Variants in ADGRB3 observed in about 807,000 individuals in gnomAD.
The protein encoded by ADGRB3 is adhesion G protein-coupled receptor B3.
ADGRB3 carries 37 observed loss-of-function variants against 193.4 expected under a neutral mutation model. The ratio of observed to expected loss-of-function variants is 0.19; its 90% CI spans 0.15 to 0.25. The LOEUF is 0.25. Ranked by LOEUF, ADGRB3 falls within the 10% of genes least tolerant of loss-of-function variation. The probability of loss-of-function intolerance (pLI) is 1.00; values close to 1 mark genes in which losing one functional copy is unlikely to be tolerated. For missense variants in ADGRB3, 1,637 were observed against 1,852.9 expected, an observed-to-expected ratio of 0.88 and a Z score of 2.14; for synonymous variants, 690 against 644.2, an observed-to-expected ratio of 1.07 and a Z score of -1.08.
intron 17 of ADGRB3, chr6:69,232,306 G>T: frequency 2.4e-6 from 2 of 826,752 alleles, no homozygotes; most frequent in Non-Finnish European, 3.4e-6. Context: ...CTGTAGTGTA[G>T]TTCTGCTGGG....
intron 29 of ADGRB3, among the ~76,000 whole-genome samples, chr6:69,365,857 C>T (rs536588817): frequency 1.3e-5 from 2 of 152,166 alleles, no homozygotes; most frequent in Admixed American, 1.3e-4. Flanking sequence ...GCCTCCCTTA[C>T]AGCTGTTGTG....
At chr6:69,028,697 G>A (rs558166947) in intron 13 of ADGRB3, among the ~76,000 whole-genome samples, 16 of 152,194 alleles carry the variant, frequency 1.1e-4, no homozygotes, top group East Asian at 3.9e-4. Context: ...ACTTGAAAAC[G>A]TTGTCAATAC....
intron 3 of ADGRB3, among the ~76,000 whole-genome samples, chr6:68,662,591 G>A (rs1768691120): frequency 6.6e-6 from 1 of 151,422 alleles, no homozygotes. Flanking sequence ...AGGAGTCTGA[G>A]TTAAAGATAA....
intron 17 of ADGRB3, chr6:69,233,051 C>T (rs1374706885): frequency 3.7e-6 from 2 of 542,556 alleles, no homozygotes; most frequent in Non-Finnish European, 6.3e-6. Context: ...GTTTCAGCAC[C>T]TCCGGCGCTG....
chr6:68,774,265 G>C (rs566996896), intron 3 of ADGRB3, among the ~76,000 whole-genome samples: 1 of 151,840 alleles, frequency 6.6e-6, no homozygotes, highest in Non-Finnish European at 1.5e-5. Flanking sequence ...AGGAACAAAG[G>C]TAGTGTAGGA....
intron 26 of ADGRB3, among the ~76,000 whole-genome samples, chr6:69,342,657 C>T (rs1769000489): frequency 6.6e-6 from 1 of 152,086 alleles, no homozygotes; most frequent in Admixed American, 6.6e-5. Flanking sequence ...CCCATATCCT[C>T]TGTGTCTCCA....
intron 3 of ADGRB3, among the ~76,000 whole-genome samples, chr6:68,685,282 T>C (rs1472169915): frequency 6.6e-6 from 1 of 152,138 alleles, no homozygotes; most frequent in Non-Finnish European, 1.5e-5. Flanking sequence ...TATAAATTAT[T>C]GTCCTGAATT....
intron 13 of ADGRB3, among the ~76,000 whole-genome samples, chr6:69,031,300 C>A (rs537124632): frequency 1.3e-5 from 2 of 151,222 alleles, no homozygotes; most frequent in African/African-American, 2.4e-5. Flanking sequence ...TTTAACCGGG[C>A]GCAGTGGTTG....
intron 10 of ADGRB3, among the ~76,000 whole-genome samples, chr6:68,991,114 T>C (rs1324995887): frequency 6.6e-6 from 1 of 151,978 alleles, no homozygotes; most frequent in Non-Finnish European, 1.5e-5. Context: ...TTAAGTCAGG[T>C]AGTGTGTTTG....
intron 10 of ADGRB3, among the ~76,000 whole-genome samples, chr6:68,983,435 G>T (rs1196740240): frequency 6.7e-6 from 1 of 149,358 alleles, no homozygotes; most frequent in Non-Finnish European, 1.5e-5. Context: ...TTATTTATAG[G>T]ATAGAATATA....
chr6:69,325,173 C>T, intron 21 of ADGRB3, 151 bp downstream of exon 21: 1 of 1,036,164 alleles, frequency 9.7e-7, no homozygotes, highest in Non-Finnish European at 1.4e-6. Context: ...TTTGAACATT[C>T]ATTGGTCATT....
intron 17 of ADGRB3, among the ~76,000 whole-genome samples, chr6:69,209,734 C>T (rs1409763369): frequency 2.0e-5 from 3 of 152,144 alleles, no homozygotes; most frequent in Non-Finnish European, 2.9e-5. Flanking sequence ...AGGCATTTGC[C>T]AAGTCAATGG....
intron 17 of ADGRB3, among the ~76,000 whole-genome samples, chr6:69,128,800 A>T (rs1392841199): frequency 1.3e-5 from 2 of 152,184 alleles, no homozygotes; most frequent in African/African-American, 4.8e-5. Flanking sequence ...CCAATTTCAC[A>T]TTAACTATAA....
chr6:68,978,475 C>A (rs964880548), intron 10 of ADGRB3, among the ~76,000 whole-genome samples: 4 of 151,470 alleles, frequency 2.6e-5, no homozygotes, highest in Non-Finnish European at 5.9e-5. Flanking sequence ...AAATCTAGGG[C>A]TTGCCTAAAG....
At chr6:68,903,016 A>G (rs1380867598) in intron 3 of ADGRB3, among the ~76,000 whole-genome samples, 10 of 152,200 alleles carry the variant, frequency 6.6e-5, no homozygotes, top group Admixed American at 4.6e-4. Flanking sequence ...GACTATTTAA[A>G]ATGAGACTCC....
At chr6:69,065,764 TACAC>T (rs3043304) in intron 16 of ADGRB3, among the ~76,000 whole-genome samples, 643 of 129,170 alleles carry the variant, frequency 5.0e-3, no homozygotes, top group African/African-American at 0.01. Context: ...TGTATATATA[TACAC>T]ACACACACAC....
intron 17 of ADGRB3, among the ~76,000 whole-genome samples, chr6:69,138,527 A>G (rs1281515484): frequency 2.0e-5 from 3 of 152,210 alleles, no homozygotes; most frequent in African/African-American, 7.2e-5. Context: ...CCTCATGCTC[A>G]ACATACCCAT....
At chr6:68,694,388 A>C (rs1765123559) in intron 3 of ADGRB3, among the ~76,000 whole-genome samples, 1 of 152,008 alleles carries the variant, frequency 6.6e-6, no homozygotes. Flanking sequence ...ACCTAACTTA[A>C]GTGAATTTTT....
At position 69,219,461 on chromosome 6, in the gene ADGRB3, G is replaced by GTGTATATATATA. The variant is rs1491200940; in HGVS notation, c.2481-13828_2481-13827insGTATATATATAT. 3.0e-3 allele frequency among the ~76,000 whole-genome samples: 299 copies of GTGTATATATATA among 98,960 alleles called. 4 individuals carry two copies. The highest frequency in any genetic ancestry group is 4.9e-3 in the Non-Finnish European group (218 of 44,642). 64.9% of individuals were successfully genotyped at this position (98,960 alleles called of 152,430 possible). A position where few individuals can be genotyped will look rare whatever the true frequency, so the allele number is the denominator to read the frequency against. ...CTTTAACTTAAAAATACACACACAC[G>GTGTATATATATA]TATATATATATATATATATATATAT... On this transcript the variant is annotated intron_variant, in intron 17 of 31. Transcript: ENST00000370598.
Sources: allele counts gnomAD v4.1 joint callset (sites outside exome capture counted in the v4.1 genomes callset), GRCh38; gene constraint gnomAD v4.1.1; transcripts MANE v1.5; gene names NCBI Gene and HGNC (gene_info 2026-07-23, HGNC 2026-07-21).